The following SLC24A2 variants were observed in gnomAD, a reference collection of about 807,000 sequenced individuals.
SLC24A2 encodes sodium/potassium/calcium exchanger 2.
A neutral mutation model predicts 62.0 loss-of-function variants in SLC24A2; 36 were observed. The ratio of observed to expected loss-of-function variants is 0.58; its 90% CI spans 0.44 to 0.77. SLC24A2 has a LOEUF of 0.77. Among genes scored for constraint, SLC24A2 ranks in the 30% least tolerant of loss-of-function variants. SLC24A2 has a pLI of 0.00. For synonymous variants in SLC24A2, 358 were observed against 294.0 expected, an observed-to-expected ratio of 1.22 and a Z score of -2.23; for missense variants, 846 against 817.9, an observed-to-expected ratio of 1.03 and a Z score of -0.42.
chr9:20,101,511 T>C, the SLC24A2 span, among the ~76,000 whole-genome samples: 14,497 of 152,250 alleles, frequency 0.095, 1,454 homozygotes, highest in East Asian at 0.54. Context: ...TAGACATTAA[T>C]TGTTCTTGTA....
the SLC24A2 span, among the ~76,000 whole-genome samples, chr9:20,210,408 T>A: frequency 6.6e-6 from 1 of 152,116 alleles, no homozygotes; most frequent in Non-Finnish European, 1.5e-5. Flanking sequence ...AGACAAACAT[T>A]TGGCTAAATA....
intron 2 of SLC24A2, among the ~76,000 whole-genome samples, chr9:19,755,999 T>G (rs1022579186): frequency 2.6e-5 from 4 of 152,164 alleles, no homozygotes; most frequent in Non-Finnish European, 5.9e-5. Flanking sequence ...GACAATCCCT[T>G]TGCAGTGAGC....
intron 9 of SLC24A2, among the ~76,000 whole-genome samples, chr9:19,523,619 T>C (rs1271019701): frequency 6.6e-6 from 1 of 152,026 alleles, no homozygotes; most frequent in Non-Finnish European, 1.5e-5. Context: ...TCTGCCACCA[T>C]GCCTGGCTAA....
At position 19,709,887 on chromosome 9, in the gene SLC24A2, G is replaced by C. The variant is rs200040395; in HGVS notation, c.930+76050C>G. On this transcript the variant is annotated intron_variant, in intron 2 of 10. Coordinates refer to ENST00000341998, the MANE Select transcript of SLC24A2 (RefSeq NM_020344.4). Reference sequence around the variant, plus strand: ...GCACATTGTGCACATGTACCCTAAAGCTTAAAGTATAATAATAATAAAATA... The same window carrying C: ...GCACATTGTGCACATGTACCCTAAACCTTAAAGTATAATAATAATAAAATA... 2.0e-5 allele frequency among the ~76,000 whole-genome samples: 3 copies of C among 151,742 alleles called. No homozygotes were observed. The South Asian group carries it at 6.2e-4, about 32-fold the overall frequency.
the SLC24A2 span, among the ~76,000 whole-genome samples, chr9:20,136,100 G>A: frequency 1.3e-5 from 2 of 152,210 alleles, no homozygotes; most frequent in South Asian, 2.1e-4. Flanking sequence ...TATAGAACAA[G>A]TAAACCCCAC....
At chr9:19,833,585 G>C in the SLC24A2 span, among the ~76,000 whole-genome samples, 1 of 152,234 alleles carries the variant, frequency 6.6e-6, no homozygotes, top group African/African-American at 2.4e-5. Context: ...AGGGAAGCTT[G>C]AACTGGGTGG....
At chr9:19,725,932 G>A (rs575672775) in intron 2 of SLC24A2, among the ~76,000 whole-genome samples, 3 of 152,208 alleles carry the variant, frequency 2.0e-5, no homozygotes, top group South Asian at 4.2e-4. Context: ...TTCCTGCTCT[G>A]CCCTGGTCCT....
chr9:20,081,270 C>T, the SLC24A2 span, among the ~76,000 whole-genome samples: 1 of 151,924 alleles, frequency 6.6e-6, no homozygotes, highest in Non-Finnish European at 1.5e-5. Flanking sequence ...AAATGTGGCA[C>T]ATATACACGA....
the SLC24A2 span, among the ~76,000 whole-genome samples, chr9:20,277,215 C>T: frequency 3.6e-4 from 55 of 152,246 alleles, no homozygotes; most frequent in African/African-American, 1.3e-3. Context: ...GCAATGGCAA[C>T]AAAAGCCAAA....
At chr9:19,833,604 A>G in the SLC24A2 span, among the ~76,000 whole-genome samples, 1 of 152,140 alleles carries the variant, frequency 6.6e-6, no homozygotes, top group Non-Finnish European at 1.5e-5. Flanking sequence ...GGAGCCCACC[A>G]CAGCTCAAGG....
At chr9:20,000,572 CAAT>C in the SLC24A2 span, among the ~76,000 whole-genome samples, 2 of 152,182 alleles carry the variant, frequency 1.3e-5, no homozygotes. Context: ...TGGCAACAAA[CAAT>C]AACTGCTGTA....
At chr9:20,220,613 G>C in the SLC24A2 span, among the ~76,000 whole-genome samples, 2 of 152,016 alleles carry the variant, frequency 1.3e-5, no homozygotes, top group South Asian at 4.1e-4. Context: ...CAGAAAGGCA[G>C]TTGGTTGGTT....
intron 2 of SLC24A2, among the ~76,000 whole-genome samples, chr9:19,636,386 T>TCTTCCTTCCTTCCTTCCTTCCTTCCTCC (rs1554690439): frequency 3.0e-4 from 7 of 23,396 alleles, no homozygotes; most frequent in Admixed American, 5.5e-4. Flanking sequence ...TTTCTTTCTT[T>TCTTCCTTCCTTCCTTCCTTCCTTCCTCC]CTCCCTCTCT....
the SLC24A2 span, among the ~76,000 whole-genome samples, chr9:20,274,682 T>C: frequency 6.6e-6 from 1 of 152,156 alleles, no homozygotes; most frequent in Non-Finnish European, 1.5e-5. Flanking sequence ...CCTCCTGCCT[T>C]GTGCCTGGGC....
At chr9:20,088,306 G>T in the SLC24A2 span, among the ~76,000 whole-genome samples, 1 of 152,246 alleles carries the variant, frequency 6.6e-6, no homozygotes, top group Non-Finnish European at 1.5e-5. Context: ...AGCTCCCAGA[G>T]GGAGGGGCAG....
chr9:19,841,450 G>T, the SLC24A2 span, among the ~76,000 whole-genome samples: 1 of 152,088 alleles, frequency 6.6e-6, no homozygotes, highest in African/African-American at 2.4e-5. Context: ...ACACATACCT[G>T]GTCTTTTCAA....
At chr9:20,044,429 G>A in the SLC24A2 span, among the ~76,000 whole-genome samples, 1 of 152,250 alleles carries the variant, frequency 6.6e-6, no homozygotes, top group African/African-American at 2.4e-5. Flanking sequence ...GAACCACCAT[G>A]AACGCATGGG....
the SLC24A2 span, among the ~76,000 whole-genome samples, chr9:20,035,952 G>A: frequency 6.6e-6 from 1 of 152,108 alleles, no homozygotes; most frequent in Non-Finnish European, 1.5e-5. Flanking sequence ...GGCTCGGATA[G>A]GAGTCCTAAG....
chr9:20,113,820 A>G, the SLC24A2 span, among the ~76,000 whole-genome samples: 1 of 152,170 alleles, frequency 6.6e-6, no homozygotes. Flanking sequence ...TCCTCTTTCA[A>G]TCAAGATGGA....
Sources: allele counts gnomAD v4.1 joint callset (sites outside exome capture counted in the v4.1 genomes callset), GRCh38; gene constraint gnomAD v4.1.1; transcripts MANE v1.5; gene names NCBI Gene and HGNC (gene_info 2026-07-23, HGNC 2026-07-21).